SH3BP2: variants seen among roughly 807,000 people sequenced by gnomAD.
SH3BP2 encodes the protein SH3 domain-binding protein 2.
Under a neutral mutation model 56.2 loss-of-function variants are expected in SH3BP2, and 38 were observed. The ratio of observed to expected loss-of-function variants is 0.68; its 90% CI spans 0.52 to 0.89. SH3BP2 has a LOEUF of 0.89. SH3BP2 is among the 40% of genes least tolerant of loss of function. The pLI is 0.00. For missense variants in SH3BP2, 748 were observed against 762.6 expected (o/e 0.98, Z 0.23); for synonymous variants, 346 against 316.7 (o/e 1.09, Z -0.98).
intron 5 of SH3BP2, chr4:2,826,736 A>C: frequency 2.7e-6 from 1 of 363,722 alleles, no homozygotes; most frequent in Non-Finnish European, 5.5e-6. Context: ...GTGTGTGTGC[A>C]TGTCCGCGTG....
intron 1 of SH3BP2, among the ~76,000 whole-genome samples, chr4:2,816,518 T>C (rs573864930): frequency 3.5e-4 from 54 of 152,382 alleles, no homozygotes; most frequent in African/African-American, 1.2e-3. Flanking sequence ...ATCCTTTCCT[T>C]GTTCCTGTTC....
At chr4:2,803,505 C>T (rs376883487) in intron 1 of SH3BP2, among the ~76,000 whole-genome samples, 8 of 152,242 alleles carry the variant, frequency 5.3e-5, no homozygotes, top group South Asian at 2.1e-4. Flanking sequence ...AGGGGGAGGA[C>T]GGAGCAAGGC....
intron 1 of SH3BP2, among the ~76,000 whole-genome samples, chr4:2,816,524 T>C (rs1724006799): frequency 6.6e-6 from 1 of 152,262 alleles, no homozygotes; most frequent in African/African-American, 2.4e-5. Flanking sequence ...TCCTTGTTCC[T>C]GTTCTTGGGG....
chr4:2,827,431 T>C, intron 6 of SH3BP2, 113 bp downstream of exon 6: 3 of 1,236,188 alleles, frequency 2.4e-6, no homozygotes, highest in South Asian at 2.5e-5. Context: ...TCTGGCCCTT[T>C]GGCAGTGCGC....
At chr4:2,828,522 C>T (rs1297071361) in intron 7 of SH3BP2, among the ~76,000 whole-genome samples, 1 of 152,226 alleles carries the variant, frequency 6.6e-6, no homozygotes, top group Non-Finnish European at 1.5e-5. Context: ...AGTTTCCTTC[C>T]ATGCAGAGCT....
chr4:2,796,280 G>T, intron 1 of SH3BP2: 2 of 311,282 alleles, frequency 6.4e-6, no homozygotes, highest in Non-Finnish European at 9.4e-6. Flanking sequence ...GGTTCGGGGC[G>T]GGTGGAGACC....
intron 4 of SH3BP2, 151 bp from the exon 5 acceptor site, chr4:2,824,975 G>A (rs1724517911): frequency 1.3e-6 from 1 of 768,222 alleles, no homozygotes; most frequent in South Asian, 1.5e-5. Flanking sequence ...CCTGTGGGCT[G>A]AGGGGAGCCA....
In SH3BP2 at chr4:2,829,561, G is replaced by C. The variant is rs141725012; in HGVS notation, c.655G>C (p.Asp219His). The change falls in exon 8 of 13, where the codon GAC becomes CAC. Residue 219 changes from aspartate to histidine, a missense_variant. By Grantham distance (81) the Asp-to-His change is moderately conservative. Transcript: ENST00000503393. The surrounding 1 kb of genome is among the most constrained non-coding windows in gnomAD (Gnocchi z 4.9). The part of the protein sequence containing the change: ...VPTPRKPAFS[D>H]MPRAHSFTSK... Reference sequence around the variant, plus strand: ...CACGCCCAGGAAGCCAGCCTTCTCTGACATGCCCCGGGCCCACTCCTTTAC... The same window carrying C: ...CACGCCCAGGAAGCCAGCCTTCTCTCACATGCCCCGGGCCCACTCCTTTAC... The C allele has an allele frequency of 1.7e-5, 27 of 1,613,232 alleles. No homozygotes were observed. In the African/African-American group the frequency reaches 2.7e-4, roughly 16 times the overall value.
chr4:2,797,946 C>G (rs1002101231), intron 1 of SH3BP2, among the ~76,000 whole-genome samples: 3 of 152,232 alleles, frequency 2.0e-5, no homozygotes, highest in African/African-American at 7.2e-5. Flanking sequence ...GCCTAATGTG[C>G]CAGTCAGCCT....
chr4:2,814,384 G>C (rs2108716893), intron 1 of SH3BP2, among the ~76,000 whole-genome samples: 2 of 152,126 alleles, frequency 1.3e-5, no homozygotes, highest in Middle Eastern at 6.8e-3. Context: ...AGCAGCCTCA[G>C]GCCTTGGGGT....
chr4:2,806,359 G>A (rs1329559597), intron 1 of SH3BP2, among the ~76,000 whole-genome samples: 1 of 152,186 alleles, frequency 6.6e-6, no homozygotes, highest in African/African-American at 2.4e-5. Context: ...CCCAGCCTTG[G>A]GTGGGAGCCA....
At chr4:2,808,084 C>T (rs949197997) in intron 1 of SH3BP2, among the ~76,000 whole-genome samples, 1 of 141,240 alleles carries the variant, frequency 7.1e-6, no homozygotes, top group South Asian at 2.4e-4. Context: ...GTTCCACACA[C>T]GAGGGGCCTG....
chr4:2,795,394 C>A (rs1420499133), intron 1 of SH3BP2, among the ~76,000 whole-genome samples: 4 of 152,238 alleles, frequency 2.6e-5, no homozygotes, highest in African/African-American at 9.6e-5. Context: ...GCAGGCTCTG[C>A]CCTCCTCACT....
intron 1 of SH3BP2, chr4:2,812,578 G>A: frequency 1.4e-6 from 2 of 1,424,470 alleles, no homozygotes; most frequent in Non-Finnish European, 9.4e-7. Context: ...AGCCTTCCTC[G>A]GGGCTGGCCG....
chr4:2,816,175 C>T (rs1189674630), intron 1 of SH3BP2, among the ~76,000 whole-genome samples: 1 of 152,090 alleles, frequency 6.6e-6, no homozygotes, highest in Non-Finnish European at 1.5e-5. Context: ...CTGCCTCAGC[C>T]TCCCAAATAG....
intron 1 of SH3BP2, among the ~76,000 whole-genome samples, chr4:2,806,633 C>T (rs1343279509): frequency 6.6e-6 from 1 of 152,162 alleles, no homozygotes; most frequent in East Asian, 1.9e-4. Context: ...CCCACCTCAC[C>T]CTCACCACCC....
chr4:2,805,902 G>C (rs1008873233), intron 1 of SH3BP2, among the ~76,000 whole-genome samples: 6 of 152,194 alleles, frequency 3.9e-5, no homozygotes, highest in African/African-American at 1.4e-4. Context: ...GTGGCACTGG[G>C]AATGTGGCTC....
rs752071353 is a variant in SH3BP2 at position 2,824,705 on chromosome 4, C to T, written c.332C>T (p.Ser111Leu). 15 of 1,613,390 alleles carry T rather than the reference C, an allele frequency of 9.3e-6. No individual in the cohort carries two copies. Among genetic ancestry groups the T allele is most frequent in the Non-Finnish European group, 1.2e-5 (14 of 1,179,582 alleles). Residue 111 changes from serine (S) to leucine (L), a missense_variant, in exon 4 of 13, where the codon TCG (serine) becomes TTG (leucine). Transcript: ENST00000503393. ...ISKKHRTWFF[S>L]ASSEEERKSW... The stretch of plus-strand genomic sequence containing the variant: ...AAGAAGCACCGCACGTGGTTCTTCT[C>T]GGCCTCCTCCGAGGAGGAGCGCAAG...
chr4:2,833,157 C>T, intron 12 of SH3BP2, 108 bp downstream of exon 12: 2 of 955,664 alleles, frequency 2.1e-6, no homozygotes, highest in South Asian at 2.6e-5. Context: ...AGACTGGCAC[C>T]TCCAGGATAC....
Sources: allele counts gnomAD v4.1 joint callset (sites outside exome capture counted in the v4.1 genomes callset), GRCh38; gene constraint gnomAD v4.1.1; non-coding constraint Gnocchi (gnomAD v3.1); transcripts MANE v1.5; gene names NCBI Gene and HGNC (gene_info 2026-07-23, HGNC 2026-07-21).